PTGER3: variants seen among roughly 807,000 people sequenced by gnomAD.
The protein encoded by PTGER3 is prostaglandin E receptor 3.
In PTGER3, 22 loss-of-function variants were observed where a neutral mutation model predicts 34.7. The ratio of observed to expected loss-of-function variants is 0.63; its 90% CI spans 0.45 to 0.91. PTGER3 has a LOEUF of 0.91. Ranked by LOEUF, PTGER3 falls within the 40% of genes least tolerant of loss-of-function variation. The pLI, the probability that PTGER3 is intolerant of heterozygous loss-of-function variation, is 0.00. For synonymous variants in PTGER3, 241 were observed against 230.1 expected (o/e 1.05, Z -0.43); for missense variants, 468 against 519.4 (o/e 0.90, Z 0.96).
intron 2 of PTGER3, among the ~76,000 whole-genome samples, chr1:70,957,854 G>C (rs1445814243): frequency 1.3e-5 from 2 of 152,036 alleles, no homozygotes; most frequent in Non-Finnish European, 2.9e-5. Flanking sequence ...CCCCCTTCCA[G>C]CCTTTGGTAG....
intron 4 of PTGER3, among the ~76,000 whole-genome samples, chr1:70,937,435 C>T (rs1300502642): frequency 6.6e-6 from 1 of 152,050 alleles, no homozygotes; most frequent in East Asian, 1.9e-4. Flanking sequence ...GAGGTCTGAA[C>T]AGGACAGAGA....
At chr1:70,975,934 A>G (rs1653649819) in intron 2 of PTGER3, among the ~76,000 whole-genome samples, 1 of 152,104 alleles carries the variant, frequency 6.6e-6, no homozygotes, top group Non-Finnish European at 1.5e-5. Context: ...ATAAGTTCTT[A>G]CCTTAGCTGA....
chr1:70,971,810 G>A (rs1297368448), intron 3 of PTGER3, 77 bp from the exon 4 acceptor site: 28 of 933,166 alleles, frequency 3.0e-5, no homozygotes, highest in Non-Finnish European at 4.1e-5. Context: ...ATGGTGTGAG[G>A]AGTAAAATAT....
At chr1:70,898,301 C>T (rs1174308820) in intron 4 of PTGER3, among the ~76,000 whole-genome samples, 2 of 152,106 alleles carry the variant, frequency 1.3e-5, no homozygotes, top group African/African-American at 4.8e-5. Flanking sequence ...TTCCCCTTTT[C>T]TTTGGTATTC....
intron 1 of PTGER3, among the ~76,000 whole-genome samples, chr1:71,023,705 A>G (rs1658630753): frequency 6.6e-6 from 1 of 151,738 alleles, no homozygotes; most frequent in African/African-American, 2.4e-5. Flanking sequence ...CCTGGGAGTT[A>G]CCCTTGATTC....
intron 4 of PTGER3, among the ~76,000 whole-genome samples, chr1:70,941,857 A>C (rs1178823356): frequency 6.6e-6 from 1 of 152,082 alleles, no homozygotes; most frequent in Non-Finnish European, 1.5e-5. Flanking sequence ...TTGCCTCACA[A>C]ATTCTTTCTT....
Position 70,914,284 on chromosome 1 carries a change from A to G in PTGER3, c.*23+39479T>C, listed in dbSNP as rs560367026. Among the ~76,000 whole-genome samples the G allele has an allele frequency of 2.0e-5, 3 of 151,848 alleles. No individual in the cohort carries two copies. In the East Asian group the frequency reaches 5.8e-4, roughly 29 times the overall value. On this transcript the variant is annotated intron_variant, in intron 4 of 4. Transcript: ENST00000370931. Reference sequence around the variant, plus strand: ...GCCATTGTGCCTCTGTTACCTATAAACTGCAGTTGATATCTAGTCATGAAA... The same window carrying G: ...GCCATTGTGCCTCTGTTACCTATAAGCTGCAGTTGATATCTAGTCATGAAA...
chr1:70,933,845 A>G (rs1201552110), intron 4 of PTGER3, among the ~76,000 whole-genome samples: 1 of 152,142 alleles, frequency 6.6e-6, no homozygotes, highest in Non-Finnish European at 1.5e-5. Context: ...AATTGGAGAA[A>G]CATTAACTTT....
At chr1:71,007,618 CAT>C (rs1657086264) in intron 2 of PTGER3, 1 of 985,310 alleles carries the variant, frequency 1.0e-6, no homozygotes, top group Non-Finnish European at 1.2e-6. Flanking sequence ...GCCCCACCCA[CAT>C]GAGTATCCTT....
chr1:70,952,793 C>A, exon 4 of PTGER3: 1 of 1,364,354 alleles, frequency 7.3e-7, no homozygotes, highest in Non-Finnish European at 9.5e-7. Context: ...CCCACCTTTC[C>A]GAGTCAATCA....
rs1210579791 is a variant in PTGER3 at position 70,914,133 on chromosome 1, T to C, written c.*23+39630A>G. ...TATAATATACATAATATCTGTATTC[T>C]AATATTATGTGTGTGTGAGGGAAAT... On this transcript the variant is annotated intron_variant, in intron 4 of 4. Transcript: ENST00000370931. 2.6e-5 allele frequency among the ~76,000 whole-genome samples: 4 copies of C among 151,764 alleles called. No homozygotes were observed. In the East Asian group the frequency reaches 7.7e-4, roughly 29 times the overall value.
At chr1:70,922,912 T>G (rs1178949109) in intron 4 of PTGER3, among the ~76,000 whole-genome samples, 3 of 152,192 alleles carry the variant, frequency 2.0e-5, no homozygotes, top group Admixed American at 6.5e-5. Flanking sequence ...TAAAGGGGTA[T>G]TATTCCATTT....
At chr1:71,001,919 G>T (rs1271871436) in intron 2 of PTGER3, among the ~76,000 whole-genome samples, 1 of 152,088 alleles carries the variant, frequency 6.6e-6, no homozygotes, top group African/African-American at 2.4e-5. Flanking sequence ...TTCAATTAAT[G>T]AAATGAATAT....
In PTGER3 at chr1:71,047,544, G is replaced by A. The variant is rs753972889; in HGVS notation, c.34C>T (p.Pro12Ser). 2.5e-6 allele frequency: 4 copies of A among 1,573,602 alleles called. No individual in the cohort carries two copies. The highest frequency in any genetic ancestry group is 2.3e-5 in the East Asian group (1 of 43,468). The change falls in exon 1 of 4, where the codon CCC (proline) becomes TCC (serine). Residue 12 changes from proline to serine, a missense_variant. Physicochemically the swap from Pro to Ser is moderately conservative, Grantham distance 74 (BLOSUM62 -1). This residue lies in a region of PTGER3 where 151 missense variants were observed against 133.5 expected (regional missense o/e 1.13). Transcript: ENST00000306666. Reference sequence around the variant, plus strand: ...GAGTGGTTGAGGCGGGTGCAGAAGGGGGCATCCCCTCCGTAGCCCCGGGTC... The same window carrying A: ...GAGTGGTTGAGGCGGGTGCAGAAGGAGGCATCCCCTCCGTAGCCCCGGGTC... Reference protein sequence around the residue: ...KETRGYGGDAPFCTRLNHSYT... With the variant: ...KETRGYGGDASFCTRLNHSYT...
chr1:70,917,386 C>T (rs1195484074), intron 4 of PTGER3, among the ~76,000 whole-genome samples: 1 of 134,910 alleles, frequency 7.4e-6, no homozygotes, highest in Admixed American at 7.7e-5. Flanking sequence ...TGTTTTATGG[C>T]TAAATAGTAT....
At chr1:70,866,952 C>T (rs1177361786) in intron 4 of PTGER3, among the ~76,000 whole-genome samples, 2 of 152,190 alleles carry the variant, frequency 1.3e-5, no homozygotes, top group African/African-American at 4.8e-5. Context: ...TTCTCCTTAC[C>T]ACATCAGAGG....
chr1:70,927,651 T>C (rs1486761876), intron 4 of PTGER3, among the ~76,000 whole-genome samples: 1 of 152,004 alleles, frequency 6.6e-6, no homozygotes, highest in Non-Finnish European at 1.5e-5. Context: ...CAGAAGTAGA[T>C]GACATCATTC....
intron 4 of PTGER3, among the ~76,000 whole-genome samples, chr1:70,906,366 C>G (rs562242394): frequency 1.4e-3 from 207 of 152,298 alleles, no homozygotes; most frequent in Middle Eastern, 0.01. Context: ...ATATTAGTAT[C>G]ACCTGGGGAA....
rs1573030151 is a variant in PTGER3 at position 71,047,141 on chromosome 1, A to T, written c.437T>A (p.Phe146Tyr). 1 of 1,601,638 alleles carries T rather than the reference A, an allele frequency of 6.2e-7. No homozygotes were observed. The highest frequency in any genetic ancestry group is 2.3e-5 in the East Asian group (1 of 44,244). ...CTCGACGGCCATGGCGCTGGCGATG[A>T]ACAACGAGGAGAGCCCGAAAACAGT... ...TMTVFGLSSL[F>Y]IASAMAVERA... The change falls in exon 1 of 4, where the codon TTC (phenylalanine) becomes TAC (tyrosine). Residue 146 changes from phenylalanine (F) to tyrosine (Y), a missense_variant. By Grantham distance (22) the Phe-to-Tyr change is conservative. Transcript: ENST00000306666.
Sources: gnomAD v4.1 joint callset for allele counts (sites outside exome capture counted in the v4.1 genomes callset) on GRCh38, gnomAD v4.1.1 for gene constraint, gnomAD v4.1.1 regional missense constraint, MANE v1.5 for transcripts, NCBI Gene and HGNC (gene_info 2026-07-23, HGNC 2026-07-21) for gene names.